XKR5: variants seen among roughly 807,000 people sequenced by gnomAD.
XKR5 encodes the protein XK related 5.
XKR5 carries 46 observed loss-of-function variants against 40.8 expected under a neutral mutation model. The ratio of observed to expected loss-of-function variants is 1.13; its 90% CI spans 0.89 to 1.44. The LOEUF (loss-of-function observed/expected upper bound fraction) is 1.44. XKR5 is among the 40% of genes most tolerant of loss of function. The pLI is 0.00. For synonymous variants in XKR5, 466 were observed against 356.1 expected, an observed-to-expected ratio of 1.31 and a Z score of -3.48; for missense variants, 1,169 against 844.7, an observed-to-expected ratio of 1.38 and a Z score of -4.76.
chr8:6,832,629 T>C, intron 2 of XKR5, 88 bp downstream of exon 2: 2 of 1,542,226 alleles, frequency 1.3e-6, no homozygotes, highest in Non-Finnish European at 1.8e-6. Flanking sequence ...TTTTATGAGC[T>C]TGAGGACAGA....
At chr8:6,815,974 C>T in intron 5 of XKR5, 56 bp from the exon 6 acceptor site, 2 of 1,376,544 alleles carry the variant, frequency 1.5e-6, no homozygotes, top group Admixed American at 2.0e-5. Flanking sequence ...TGCCTAGGGA[C>T]CCCCGTCCCG....
At chr8:6,816,319 G>T (rs1334924998) in intron 5 of XKR5, among the ~76,000 whole-genome samples, 1 of 152,176 alleles carries the variant, frequency 6.6e-6, no homozygotes, top group Non-Finnish European at 1.5e-5. Context: ...CAGAGCTCAT[G>T]ATGCCACTGA....
chr8:6,829,532 T>G (rs1317422601), intron 2 of XKR5, among the ~76,000 whole-genome samples: 5 of 152,222 alleles, frequency 3.3e-5, no homozygotes, highest in Admixed American at 3.3e-4. Flanking sequence ...ATTTATTTAT[T>G]TGAGATTGAG....
In XKR5 at chr8:6,835,489, T is replaced by C. The variant is rs548437072; in HGVS notation, c.5A>G (p.His2Arg). 1.3e-6 allele frequency: 2 copies of C among 1,502,324 alleles called. No individual in the cohort carries two copies. Among genetic ancestry groups the C allele is most frequent in the Non-Finnish European group, 1.8e-6 (2 of 1,132,808 alleles). The allele number at this position is 1,502,324 out of a possible 1,614,324, so 93.1% of individuals were successfully genotyped here. Residue 2 changes from histidine to arginine, a missense_variant, in exon 1 of 7, where the codon CAC (histidine) becomes CGC (arginine). His to Arg is a conservative substitution (Grantham distance 29, BLOSUM62 0). Transcript: ENST00000618742. ...GGCCGAGAGCCCCAGGAGCCTCGCG[T>C]GCATCTTCCGTGCCGACCCCGCAGC... M[H>R]ARLLGLSALL...
chr8:6,814,950 G>A (rs2117082166), intron 6 of XKR5, among the ~76,000 whole-genome samples: 1 of 152,336 alleles, frequency 6.6e-6, no homozygotes, highest in East Asian at 1.9e-4. Context: ...AAGAACCCGA[G>A]GCCACTTCCA....
intron 1 of XKR5, among the ~76,000 whole-genome samples, chr8:6,833,872 C>G (rs1378059724): frequency 6.6e-6 from 1 of 152,226 alleles, no homozygotes; most frequent in Non-Finnish European, 1.5e-5. Context: ...GGGCAATATA[C>G]GACATGTGTG....
rs1803721552 is a variant in XKR5, at chr8:6,811,925, T to C, written c.1334A>G (p.Gln445Arg). The change falls in exon 7 of 7, where the codon CAG (glutamine) becomes CGG (arginine). Residue 445 changes from glutamine to arginine, a missense_variant. Gln to Arg is a conservative substitution (Grantham distance 43). Transcript: ENST00000618742. ...TTGCTGGGCAGACAAGGCCTTTCTC[T>C]GCAGGTAGTCCTGTTGACTCAACCC... ...AWGLSQQDYL[Q>R]RKALSAQQEL... 9 of 1,537,268 alleles carry C rather than the reference T, an allele frequency of 5.9e-6. No homozygotes were observed. Among genetic ancestry groups the C allele is most frequent in the Non-Finnish European group, 7.8e-6 (9 of 1,146,948 alleles).
At chr8:6,825,047 G>T in intron 3 of XKR5, 118 bp downstream of exon 3, 1 of 1,196,938 alleles carries the variant, frequency 8.4e-7, no homozygotes, top group Non-Finnish European at 1.2e-6. Flanking sequence ...TGAGCTCAAG[G>T]TGCCCTAATG....
rs1254931397 is a variant in XKR5 at position 6,809,334 on chromosome 8, G to C, written c.*1864C>G. On this transcript the variant is annotated 3_prime_UTR_variant, in exon 7 of 7. Transcript: ENST00000618742. ...AGATAGAGTCTTGCTCTGTCGCCCA[G>C]GCTGGAGTGCCATGGTACGATCTCA... The C allele has an allele frequency of 1.3e-5, 2 of 152,152 alleles. No individual in the cohort carries two copies. Among genetic ancestry groups the C allele is most frequent in the Non-Finnish European group, 2.9e-5 (2 of 68,086 alleles). The allele number at this position is 152,152 out of a possible 1,614,324, so 9.4% of individuals were successfully genotyped here.
intron 6 of XKR5, among the ~76,000 whole-genome samples, chr8:6,814,270 C>T (rs1339399730): frequency 6.6e-6 from 1 of 152,212 alleles, no homozygotes; most frequent in Non-Finnish European, 1.5e-5. Flanking sequence ...GACGATGAAA[C>T]AAGCTGTGGT....
chr8:6,810,999 G>C lies in XKR5; in HGVS notation c.*199C>G, dbSNP rs921627741. On this transcript the variant is annotated 3_prime_UTR_variant, in exon 7 of 7. Transcript: ENST00000618742. ...ATGTTAGAGTCTCTCCTATGCATGGGTGGGGTCTGTGATGTTTGCATTGGA... is the reference window on the plus strand; with the variant it reads ...ATGTTAGAGTCTCTCCTATGCATGGCTGGGGTCTGTGATGTTTGCATTGGA... The C allele has an allele frequency of 1.1e-5, 6 of 570,580 alleles. No individual in the cohort carries two copies. Among genetic ancestry groups the C allele is most frequent in the Non-Finnish European group, 1.8e-5 (6 of 326,230 alleles). The allele number at this position is 570,580 out of a possible 1,614,324, so 35.3% of individuals were successfully genotyped here.
intron 1 of XKR5, among the ~76,000 whole-genome samples, chr8:6,834,695 C>G (rs529744258): frequency 5.6e-4 from 83 of 147,794 alleles, no homozygotes; most frequent in African/African-American, 2.2e-3. Flanking sequence ...GGGACTCTGC[C>G]CGGGAAAAAG....
chr8:6,825,433 C>A (rs1012456680), intron 2 of XKR5, 84 bp from the exon 3 acceptor site: 2 of 1,351,366 alleles, frequency 1.5e-6, no homozygotes, highest in Non-Finnish European at 9.8e-7. Flanking sequence ...AGACATACTA[C>A]ATGCTAAGCA....
At chr8:6,827,062 A>T (rs1421750268) in intron 2 of XKR5, among the ~76,000 whole-genome samples, 1 of 152,142 alleles carries the variant, frequency 6.6e-6, no homozygotes, top group Non-Finnish European at 1.5e-5. Flanking sequence ...AGTGGCACAG[A>T]CCACCTTCCT....
At chr8:6,827,417 T>TGGA (rs1804558201) in intron 2 of XKR5, among the ~76,000 whole-genome samples, 1 of 152,228 alleles carries the variant, frequency 6.6e-6, no homozygotes, top group Non-Finnish European at 1.5e-5. Flanking sequence ...GGTGACAAGC[T>TGGA]GGACCCTGAT....
At position 6,832,733 on chromosome 8, in the gene XKR5, G is replaced by A. The variant is rs1804824810; in HGVS notation, c.226C>T (p.Leu76Phe). 1 of 1,613,060 alleles carries A rather than the reference G, an allele frequency of 6.2e-7. No homozygotes were observed. Among genetic ancestry groups the A allele is most frequent in the African/African-American group, 1.3e-5 (1 of 74,910 alleles). Reference sequence around the variant, plus strand: ...TGTTCTTACCGCTTCCAAACACCAAGCTGTAGGAGGTGCAGCATCATCAAG... The same window carrying A: ...TGTTCTTACCGCTTCCAAACACCAAACTGTAGGAGGTGCAGCATCATCAAG... Reference protein sequence around the residue: ...CSLMMLHLLQLGVWKRHWDAA... With the variant: ...CSLMMLHLLQFGVWKRHWDAA... The change falls in exon 2 of 7, where the codon CTT becomes TTT. Residue 76 changes from leucine (L) to phenylalanine (F), a missense_variant. Leu to Phe is a conservative substitution (Grantham distance 22). Transcript: ENST00000618742.
intron 1 of XKR5, among the ~76,000 whole-genome samples, chr8:6,834,139 G>T (rs1804893955): frequency 6.6e-6 from 1 of 152,176 alleles, no homozygotes; most frequent in Admixed American, 6.5e-5. Context: ...GCCTCCTCAG[G>T]GTTGTCTGAG....
At position 6,823,673 on chromosome 8, in the gene XKR5, C is replaced by T. The variant is rs780486576; in HGVS notation, c.485G>A (p.Arg162His). 1.8e-5 allele frequency: 28 copies of T among 1,591,520 alleles called. No homozygotes were observed. Among genetic ancestry groups the T allele is most frequent in the Middle Eastern group, 1.7e-4 (1 of 6,042 alleles). The stretch of plus-strand genomic sequence containing the variant: ...GCCTGGCTTCATGAAGCCCATGAAG[C>T]GAGTGTAGGACACCAGTGCCCAGGA... ...SLSWALVSYTRFMGFMKPGHL... is the reference protein window; with the variant it reads ...SLSWALVSYTHFMGFMKPGHL... The change falls in exon 4 of 7, where the codon CGC becomes CAC. Residue 162 changes from arginine to histidine, a missense_variant. Transcript: ENST00000618742.
Position 6,835,443 on chromosome 8 carries a change from C to G in XKR5, c.51G>C (p.Gln17His). The G allele has an allele frequency of 2.0e-6, 3 of 1,492,810 alleles. No homozygotes were observed. The highest frequency in any genetic ancestry group is 2.2e-5 in the Admixed American group (1 of 45,716). 92.5% of individuals were successfully genotyped at this position (1,492,810 alleles called of 1,614,324 possible). ...GLSALLQAAE[Q>H]SARLYTVAYY... is the part of the protein sequence containing the mutation. ...TCGGGCTGCCGCACTCACGCGCGCT[C>G]TGCTCGGCCGCCTGCAGCAGGGCCG... The change falls in exon 1 of 7, where the codon CAG (glutamine) becomes CAC (histidine). Residue 17 changes from glutamine to histidine, a missense_variant. By Grantham distance (24) the Gln-to-His change is conservative. Coordinates refer to ENST00000618742, the MANE Select transcript of XKR5 (RefSeq NM_207411.5).
Sources: allele counts gnomAD v4.1 joint callset (sites outside exome capture counted in the v4.1 genomes callset), GRCh38; gene constraint gnomAD v4.1.1; transcripts MANE v1.5; gene names NCBI Gene and HGNC (gene_info 2026-07-23, HGNC 2026-07-21).